Variants in GLCE observed in about 807,000 individuals in gnomAD.
The protein encoded by GLCE is glucuronic acid epimerase.
Under a neutral mutation model 47.9 loss-of-function variants are expected in GLCE, and 19 were observed. The observed-to-expected ratio is 0.40, with a 90% CI of 0.28 to 0.58. The LOEUF is 0.58. GLCE is among the 20% of genes least tolerant of loss of function. The pLI is 0.48. For missense variants in GLCE, 556 were observed against 743.3 expected (o/e 0.75, Z 2.93); for synonymous variants, 245 against 263.4 (o/e 0.93, Z 0.68).
At chr15:69,165,747 C>G in intron 1 of GLCE, among the ~76,000 whole-genome samples, 1 of 152,066 alleles carries the variant, frequency 6.6e-6, no homozygotes, top group East Asian at 1.9e-4. Flanking sequence ...CTTCCTGTTG[C>G]TTGTTTATGC....
At chr15:69,230,244 GA>G (rs1246892308) in intron 2 of GLCE, among the ~76,000 whole-genome samples, 1 of 150,154 alleles carries the variant, frequency 6.7e-6, no homozygotes, top group African/African-American at 2.4e-5. Context: ...GTAAACAGAT[GA>G]AAAAAGATAT....
chr15:69,259,692 C>A (rs1294636918), intron 3 of GLCE, among the ~76,000 whole-genome samples: 7 of 152,136 alleles, frequency 4.6e-5, no homozygotes, highest in African/African-American at 1.7e-4. Context: ...AGTCCCAGTT[C>A]TTGTGCCAGT....
intron 2 of GLCE, among the ~76,000 whole-genome samples, chr15:69,240,917 G>T (rs1228695301): frequency 6.6e-6 from 1 of 152,100 alleles, no homozygotes; most frequent in East Asian, 1.9e-4. Context: ...ACACACAATG[G>T]GATAAAAACT....
At position 69,270,736 on chromosome 15, in the gene GLCE, G is replaced by C. The variant is rs1290981411; in HGVS notation, c.*1492G>C. On this transcript the variant is annotated 3_prime_UTR_variant, in exon 5 of 5. Transcript: ENST00000261858. Reference sequence around the variant, plus strand: ...GAAACTGGAAAACATATATATGTTAGCATCAAAGGGGGCAGAAGCAAAGAA... The same window carrying C: ...GAAACTGGAAAACATATATATGTTACCATCAAAGGGGGCAGAAGCAAAGAA... The C allele has an allele frequency of 6.6e-6, 1 of 152,138 alleles. No homozygotes were observed. The highest frequency in any genetic ancestry group is 1.5e-5 in the Non-Finnish European group (1 of 68,028). 9.4% of individuals were successfully genotyped at this position (152,138 alleles called of 1,614,324 possible).
chr15:69,189,363 T>C (rs1021179380), intron 1 of GLCE, among the ~76,000 whole-genome samples: 2 of 152,222 alleles, frequency 1.3e-5, no homozygotes, highest in African/African-American at 4.8e-5. Flanking sequence ...TTTTCATGCA[T>C]GGCATGATTG....
At chr15:69,180,903 G>A (rs1595739790) in intron 1 of GLCE, among the ~76,000 whole-genome samples, 1 of 152,208 alleles carries the variant, frequency 6.6e-6, no homozygotes, top group East Asian at 1.9e-4. Context: ...TAGGCTAAAG[G>A]AGAACAAGGG....
At chr15:69,189,460 G>C (rs563404209) in intron 1 of GLCE, among the ~76,000 whole-genome samples, 3 of 152,170 alleles carry the variant, frequency 2.0e-5, no homozygotes, top group African/African-American at 7.2e-5. Context: ...GGACATATTG[G>C]TGGCTTCCAA....
At chr15:69,251,328 A>G (rs932838767) in intron 2 of GLCE, among the ~76,000 whole-genome samples, 1 of 152,210 alleles carries the variant, frequency 6.6e-6, no homozygotes, top group Non-Finnish European at 1.5e-5. Flanking sequence ...ACTAAAGTTG[A>G]CCACTGAATT....
chr15:69,190,229 G>T (rs1363630759), intron 1 of GLCE, among the ~76,000 whole-genome samples: 3 of 152,086 alleles, frequency 2.0e-5, no homozygotes, highest in Non-Finnish European at 4.4e-5. Context: ...GAGTTGGGGT[G>T]TTGTTCCATG....
At chr15:69,198,937 G>A (rs28494670) in intron 1 of GLCE, among the ~76,000 whole-genome samples, 4,735 of 152,186 alleles carry the variant, frequency 0.031, 240 homozygotes, top group African/African-American at 0.11. Context: ...TCAGAAGGCA[G>A]GGATCACTGC....
At chr15:69,165,033 T>C (rs941193972) in intron 1 of GLCE, among the ~76,000 whole-genome samples, 2 of 152,202 alleles carry the variant, frequency 1.3e-5, no homozygotes, top group African/African-American at 4.8e-5. Context: ...CTTTTCTTTC[T>C]CTTTCTTTCT....
chr15:69,174,989 A>G (rs188882345), intron 1 of GLCE, among the ~76,000 whole-genome samples: 3 of 152,196 alleles, frequency 2.0e-5, no homozygotes, highest in Non-Finnish European at 2.9e-5. Flanking sequence ...TAAAAAAATT[A>G]ACAGGATTAT....
At chr15:69,203,974 T>G (rs2140366760) in intron 1 of GLCE, among the ~76,000 whole-genome samples, 1 of 152,190 alleles carries the variant, frequency 6.6e-6, no homozygotes, top group South Asian at 2.1e-4. Flanking sequence ...CCAGATAGAT[T>G]AAATAACATG....
At chr15:69,264,309 C>T (rs912769450) in intron 4 of GLCE, among the ~76,000 whole-genome samples, 10 of 152,070 alleles carry the variant, frequency 6.6e-5, no homozygotes, top group Admixed American at 6.6e-4. Flanking sequence ...TCTATGTTGT[C>T]ACAAACGGCA....
At chr15:69,181,931 G>A (rs2140341199) in intron 1 of GLCE, among the ~76,000 whole-genome samples, 1 of 152,026 alleles carries the variant, frequency 6.6e-6, no homozygotes, top group East Asian at 1.9e-4. Flanking sequence ...TGGGTCTTGG[G>A]TAGAGCAGAA....
chr15:69,266,764 C>T (rs16953036), intron 4 of GLCE: 552,641 of 904,502 alleles, frequency 0.61, 176,500 homozygotes, highest in Admixed American at 0.66. Context: ...TATCATTTGT[C>T]TTTTTCACAG....
At chr15:69,188,093 A>T (rs2051853964) in intron 1 of GLCE, among the ~76,000 whole-genome samples, 1 of 152,010 alleles carries the variant, frequency 6.6e-6, no homozygotes, top group Admixed American at 6.6e-5. Context: ...CAACAAAAAA[A>T]TTAGCTGGGC....
At chr15:69,227,170 T>A (rs1595767102) in intron 2 of GLCE, among the ~76,000 whole-genome samples, 1 of 152,296 alleles carries the variant, frequency 6.6e-6, no homozygotes. Context: ...TAAATGCAAT[T>A]TGAGTCAGTA....
intron 1 of GLCE, among the ~76,000 whole-genome samples, chr15:69,168,927 A>G (rs574553305): frequency 2.0e-5 from 3 of 152,346 alleles, no homozygotes; most frequent in African/African-American, 7.2e-5. Flanking sequence ...AATGAATTAC[A>G]TATGTAAACA....
Sources: gnomAD v4.1 joint callset for allele counts (sites outside exome capture counted in the v4.1 genomes callset) on GRCh38, gnomAD v4.1.1 for gene constraint, MANE v1.5 for transcripts, NCBI Gene and HGNC (gene_info 2026-07-23, HGNC 2026-07-21) for gene names.